Variants in MYO1D observed in about 807,000 individuals in gnomAD.
The protein encoded by MYO1D is myosin ID, also known as unconventional myosin-Id.
Under a neutral mutation model 122.0 loss-of-function variants are expected in MYO1D, and 83 were observed. The ratio of observed to expected loss-of-function variants is 0.68; its 90% CI spans 0.57 to 0.82. The LOEUF is 0.82. Ranked by LOEUF, MYO1D falls within the 40% of genes least tolerant of loss-of-function variation. The pLI is 0.00. For missense variants in MYO1D, 1,157 were observed against 1,269.5 expected (o/e 0.91, Z 1.35); for synonymous variants, 464 against 446.9 (o/e 1.04, Z -0.48).
chr17:32,616,185 G>A (rs1374789809), intron 20 of MYO1D, among the ~76,000 whole-genome samples: 1 of 152,220 alleles, frequency 6.6e-6, no homozygotes, highest in African/African-American at 2.4e-5. Flanking sequence ...TCAGATTGCA[G>A]GAACTCTACT....
intron 21 of MYO1D, chr17:32,505,580 C>A (rs1011273408): frequency 6.6e-6 from 1 of 152,100 alleles, no homozygotes; most frequent in African/African-American, 2.4e-5. Flanking sequence ...CAGGCTGCCC[C>A]GTCTGTGAAC....
At chr17:32,613,634 C>T (rs556539099) in intron 20 of MYO1D, among the ~76,000 whole-genome samples, 17 of 151,636 alleles carry the variant, frequency 1.1e-4, no homozygotes, top group East Asian at 9.7e-4. Context: ...ATTAGCTGTG[C>T]GTGGTGGTGC....
At chr17:32,630,997 T>A (rs1458344551) in intron 20 of MYO1D, among the ~76,000 whole-genome samples, 1 of 152,202 alleles carries the variant, frequency 6.6e-6, no homozygotes, top group Non-Finnish European at 1.5e-5. Flanking sequence ...CCAGTCATAC[T>A]GGATTAGGGC....
At chr17:32,820,469 A>C (rs2090651139) in intron 1 of MYO1D, among the ~76,000 whole-genome samples, 1 of 152,258 alleles carries the variant, frequency 6.6e-6, no homozygotes, top group South Asian at 2.1e-4. Flanking sequence ...GCCATTTGTG[A>C]CATGAATGAT....
At chr17:32,683,790 C>T (rs547771457) in intron 16 of MYO1D, among the ~76,000 whole-genome samples, 16 of 152,290 alleles carry the variant, frequency 1.1e-4, no homozygotes, top group South Asian at 1.0e-3. Context: ...AGGAGCTTCC[C>T]GGCTGCTTTG....
intron 13 of MYO1D, among the ~76,000 whole-genome samples, chr17:32,741,857 C>A (rs925231155): frequency 1.9e-4 from 28 of 151,076 alleles, no homozygotes; most frequent in Middle Eastern, 3.4e-3. Context: ...ACTAAAAATA[C>A]AAAAAAAATT....
chr17:32,519,035 T>A (rs1221308540), intron 21 of MYO1D: 2 of 152,292 alleles, frequency 1.3e-5, no homozygotes, highest in African/African-American at 4.8e-5. Flanking sequence ...CTCCTTTTCC[T>A]CCCGTCTCCT....
rs144141337 is a variant in MYO1D, at chr17:32,750,699, C to T, written c.1468-1693G>A. The stretch of plus-strand genomic sequence containing the variant: ...GTTCTAATGTTCGATAACAAATAAT[C>T]TCAACCTGAAAGGTGTATTCTATTA... On this transcript the variant is annotated intron_variant, in intron 11 of 21. Coordinates refer to ENST00000318217, the MANE Select transcript of MYO1D (RefSeq NM_015194.3). 2.3e-3 allele frequency among the ~76,000 whole-genome samples: 344 copies of T among 152,246 alleles called. 1 individual carries two copies. The highest frequency in any genetic ancestry group is 7.4e-3 in the African/African-American group (309 of 41,546).
At chr17:32,681,181 G>A (rs1236604231) in intron 16 of MYO1D, among the ~76,000 whole-genome samples, 1 of 151,644 alleles carries the variant, frequency 6.6e-6, no homozygotes, top group African/African-American at 2.4e-5. Flanking sequence ...TATCAATTTT[G>A]TTGCTCTTTT....
chr17:32,815,914 T>C (rs1286538803), intron 1 of MYO1D, among the ~76,000 whole-genome samples: 2 of 152,358 alleles, frequency 1.3e-5, no homozygotes, highest in Middle Eastern at 3.4e-3. Flanking sequence ...TTTACTAGTA[T>C]CAATAACTGA....
At chr17:32,602,850 C>T (rs2087578306) in intron 21 of MYO1D, 1 of 152,042 alleles carries the variant, frequency 6.6e-6, no homozygotes, top group Non-Finnish European at 1.5e-5. Context: ...TTATAAAATA[C>T]AATGTGAATT....
At chr17:32,620,855 T>C (rs556598343) in intron 20 of MYO1D, among the ~76,000 whole-genome samples, 6 of 152,250 alleles carry the variant, frequency 3.9e-5, no homozygotes, top group African/African-American at 1.4e-4. Context: ...TTTTAAGAAT[T>C]TGAAAAAAGC....
At chr17:32,711,641 G>A (rs9898762) in intron 16 of MYO1D, among the ~76,000 whole-genome samples, 28,824 of 151,502 alleles carry the variant, frequency 0.19, 2,908 homozygotes, top group Middle Eastern at 0.3. Flanking sequence ...GTGAGACTCC[G>A]TCTCGGGGGG....
intron 1 of MYO1D, among the ~76,000 whole-genome samples, chr17:32,815,471 T>C (rs1356476963): frequency 1.3e-5 from 2 of 152,198 alleles, no homozygotes; most frequent in Non-Finnish European, 1.5e-5. Flanking sequence ...ATATCAATGA[T>C]AATGACTTAA....
chr17:32,538,471 T>TA lies in MYO1D; in HGVS notation c.2865-43557_2865-43556insT, dbSNP rs1489904456. ...GGATAATTATTATTATTATTATTATTTTTTTTTTTGTAGAGATGGGGTCTT... is the reference window on the plus strand; with the variant it reads ...GGATAATTATTATTATTATTATTATTATTTTTTTTTGTAGAGATGGGGTCTT... On this transcript the variant is annotated intron_variant, in intron 21 of 21. Transcript: ENST00000318217. Among the ~76,000 whole-genome samples the TA allele has an allele frequency of 1.6e-4, 18 of 114,138 alleles. No homozygotes were observed. The East Asian group carries it at 1.6e-3, about 10-fold the overall frequency. The allele number at this position is 114,138 out of a possible 152,430, so 74.9% of individuals were successfully genotyped here.
chr17:32,550,640 C>T (rs225190), intron 21 of MYO1D, among the ~76,000 whole-genome samples: 101,114 of 151,964 alleles, frequency 0.67, 34,537 homozygotes, highest in African/African-American at 0.82. Context: ...AAGGTACTTG[C>T]GAATATACTC....
At chr17:32,759,544 T>C (rs1244166636) in intron 10 of MYO1D, among the ~76,000 whole-genome samples, 1 of 152,190 alleles carries the variant, frequency 6.6e-6, no homozygotes, top group Non-Finnish European at 1.5e-5. Flanking sequence ...TTTGTATTTT[T>C]CAAGTTTATT....
intron 15 of MYO1D, among the ~76,000 whole-genome samples, chr17:32,718,372 C>G (rs1156663184): frequency 2.0e-5 from 3 of 152,124 alleles, no homozygotes; most frequent in South Asian, 2.1e-4. Flanking sequence ...ATATAAAGGG[C>G]AGCATAAAGT....
At chr17:32,616,777 G>A (rs1363826369) in intron 20 of MYO1D, among the ~76,000 whole-genome samples, 2 of 152,178 alleles carry the variant, frequency 1.3e-5, no homozygotes, top group Admixed American at 1.3e-4. Context: ...CTATATGACT[G>A]GCTTTTGACG....
Sources: gnomAD v4.1 joint callset for allele counts (sites outside exome capture counted in the v4.1 genomes callset) on GRCh38, gnomAD v4.1.1 for gene constraint, MANE v1.5 for transcripts, NCBI Gene and HGNC (gene_info 2026-07-23, HGNC 2026-07-21) for gene names.